The following ADAM10 variants were observed in gnomAD, a reference collection of about 807,000 sequenced individuals.
The protein encoded by ADAM10 is disintegrin and metalloproteinase domain-containing protein 10.
ADAM10 carries 17 observed loss-of-function variants against 90.1 expected under a neutral mutation model. That is an observed-to-expected ratio of 0.19 (90% CI 0.13 to 0.28). ADAM10 has a LOEUF of 0.28. Among genes scored for constraint, ADAM10 ranks in the 10% least tolerant of loss-of-function variants. The pLI, the probability that ADAM10 is intolerant of heterozygous loss-of-function variation, is 1.00. For synonymous variants in ADAM10, 310 were observed against 298.6 expected (o/e 1.04, Z -0.40); for missense variants, 610 against 914.3 (o/e 0.67, Z 4.29).
In ADAM10 at chr15:58,589,957, A is replaced by G. The variant is rs1870057666; in HGVS notation, c.*7590T>C. 6.6e-6 allele frequency: 1 copy of G among 152,260 alleles called. No homozygotes were observed. The highest frequency in any genetic ancestry group is 1.5e-5 in the Non-Finnish European group (1 of 68,062). The allele number at this position is 152,260 out of a possible 1,614,324, so 9.4% of individuals were successfully genotyped here. ...TCAGCAAATGAATGCAATGCAAAGC[A>G]AAAAATGAAAAAACATTTAAAAAAA... On this transcript the variant is annotated 3_prime_UTR_variant, in exon 16 of 16. Coordinates refer to ENST00000260408, the MANE Select transcript of ADAM10 (RefSeq NM_001110.4).
intron 10 of ADAM10, among the ~76,000 whole-genome samples, chr15:58,623,859 T>C (rs1895857640): frequency 1.3e-5 from 2 of 151,932 alleles, no homozygotes; most frequent in East Asian, 1.9e-4. Context: ...AAACAGCTAA[T>C]GCATGTGGGG....
intron 2 of ADAM10, among the ~76,000 whole-genome samples, chr15:58,707,924 G>T (rs1157165952): frequency 6.6e-6 from 1 of 151,450 alleles, no homozygotes; most frequent in East Asian, 1.9e-4. Flanking sequence ...TAAAAATATG[G>T]AAATTAGCCA....
chr15:58,678,661 T>C (rs990198031), intron 4 of ADAM10, among the ~76,000 whole-genome samples: 1 of 152,154 alleles, frequency 6.6e-6, no homozygotes, highest in Non-Finnish European at 1.5e-5. Context: ...AGTCAAGTCA[T>C]TACCTTAAGA....
chr15:58,638,647 T>C (rs1248780957), intron 8 of ADAM10, among the ~76,000 whole-genome samples: 2 of 142,782 alleles, frequency 1.4e-5, no homozygotes, highest in Non-Finnish European at 3.0e-5. Flanking sequence ...AAAATACAAG[T>C]AACATGCCCC....
chr15:58,722,060 C>G (rs560499695), intron 1 of ADAM10, among the ~76,000 whole-genome samples: 7 of 151,130 alleles, frequency 4.6e-5, no homozygotes, highest in African/African-American at 1.7e-4. Context: ...AAATAATAGG[C>G]CGGGCACGGT....
intron 9 of ADAM10, among the ~76,000 whole-genome samples, chr15:58,628,351 A>G (rs1272887248): frequency 6.6e-6 from 1 of 152,220 alleles, no homozygotes; most frequent in African/African-American, 2.4e-5. Context: ...GGAATCTAAG[A>G]CAGCTAACTT....
At chr15:58,685,532 G>A in intron 2 of ADAM10, among the ~76,000 whole-genome samples, 1 of 116,184 alleles carries the variant, frequency 8.6e-6, no homozygotes, top group Admixed American at 9.7e-5. Context: ...TTAAAAACAA[G>A]AATATGAAGG....
chr15:58,696,932 G>T (rs1403069486), intron 2 of ADAM10, among the ~76,000 whole-genome samples: 2 of 152,078 alleles, frequency 1.3e-5, no homozygotes, highest in African/African-American at 2.4e-5. Flanking sequence ...CCCTGCCCTG[G>T]GGCCAAACAG....
At chr15:58,615,235 CT>C (rs1180477565) in intron 11 of ADAM10, among the ~76,000 whole-genome samples, 1 of 137,524 alleles carries the variant, frequency 7.3e-6, no homozygotes. Flanking sequence ...GATTGCACCA[CT>C]GCACTCGAGC....
chr15:58,667,135 T>C (rs910574406), intron 4 of ADAM10, among the ~76,000 whole-genome samples: 1 of 152,190 alleles, frequency 6.6e-6, no homozygotes, highest in African/African-American at 2.4e-5. Context: ...AGCATATTCT[T>C]TCACAAACAA....
chr15:58,703,574 A>G (rs1426922182), intron 2 of ADAM10, among the ~76,000 whole-genome samples: 1 of 152,160 alleles, frequency 6.6e-6, no homozygotes, highest in Non-Finnish European at 1.5e-5. Context: ...AAACATCATG[A>G]TAAGTTAAAT....
At chr15:58,674,027 C>G (rs370561111) in intron 4 of ADAM10, among the ~76,000 whole-genome samples, 1 of 152,156 alleles carries the variant, frequency 6.6e-6, no homozygotes, top group East Asian at 1.9e-4. Context: ...GCCACCATAC[C>G]CAGCCACTGC....
chr15:58,664,683 G>A (rs1310269233), intron 5 of ADAM10, among the ~76,000 whole-genome samples: 1 of 151,954 alleles, frequency 6.6e-6, no homozygotes, highest in South Asian at 2.1e-4. Context: ...ATTAAAATAC[G>A]AAAAGTCCTG....
intron 2 of ADAM10, among the ~76,000 whole-genome samples, chr15:58,704,624 A>G (rs1880067841): frequency 6.6e-6 from 1 of 152,230 alleles, no homozygotes; most frequent in African/African-American, 2.4e-5. Context: ...TTGTGTGGCC[A>G]TGTTTCATAA....
At chr15:58,612,361 A>G (rs1475419249) in intron 11 of ADAM10, among the ~76,000 whole-genome samples, 2 of 152,144 alleles carry the variant, frequency 1.3e-5, no homozygotes, top group African/African-American at 2.4e-5. Flanking sequence ...CTCACATCCC[A>G]GGGAAATATC....
intron 11 of ADAM10, among the ~76,000 whole-genome samples, chr15:58,613,237 C>T (rs1895502200): frequency 6.6e-6 from 1 of 152,124 alleles, no homozygotes; most frequent in Non-Finnish European, 1.5e-5. Context: ...ACCACTGCAC[C>T]TACCTGGAAA....
In ADAM10 at chr15:58,592,447, G is replaced by C. The variant is rs1182532927; in HGVS notation, c.*5100C>G. 1 of 152,156 alleles carries C rather than the reference G, an allele frequency of 6.6e-6. No homozygotes were observed. Among genetic ancestry groups the C allele is most frequent in the African/African-American group, 2.4e-5 (1 of 41,420 alleles). The allele number at this position is 152,156 out of a possible 1,614,324, so 9.4% of individuals were successfully genotyped here. A position where few individuals can be genotyped will look rare whatever the true frequency, so the allele number is the denominator to read the frequency against. ...CCTTGCTGATGCTAAAGTTATCTCA[G>C]CCTTGGCCAGTGGTAACTTCTAAGG... On this transcript the variant is annotated 3_prime_UTR_variant, in exon 16 of 16. Transcript: ENST00000260408.
At chr15:58,621,249 C>G (rs1180329809) in intron 11 of ADAM10, among the ~76,000 whole-genome samples, 2 of 109,982 alleles carry the variant, frequency 1.8e-5, no homozygotes, top group Admixed American at 1.3e-4. Context: ...GGCAACAGAG[C>G]GAGACCCTGT....
rs561867026 is a variant in ADAM10 at position 58,727,481 on chromosome 15, G to A, written c.56-9754C>T. On this transcript the variant is annotated intron_variant, in intron 1 of 15. Transcript: ENST00000260408. ...GCTGGGATTACAGGTGTGAGCCACC[G>A]CGCCCAGCCTGGCTAATCTTTCTTA... Among the ~76,000 whole-genome samples, 8 of 152,014 alleles carry A rather than the reference G, an allele frequency of 5.3e-5. No individual in the cohort carries two copies. In the East Asian group the frequency reaches 7.8e-4, roughly 15 times the overall value.
Sources: allele counts gnomAD v4.1 joint callset (sites outside exome capture counted in the v4.1 genomes callset), GRCh38; gene constraint gnomAD v4.1.1; transcripts MANE v1.5; gene names NCBI Gene and HGNC (gene_info 2026-07-23, HGNC 2026-07-21).